The following WWOX variants were observed in gnomAD, a reference collection of about 807,000 sequenced individuals.
WWOX encodes WW domain containing oxidoreductase.
A neutral mutation model predicts 46.2 loss-of-function variants in WWOX; 69 were observed. That is an observed-to-expected ratio of 1.49 (90% confidence interval 1.23 to 1.82). WWOX has a LOEUF of 1.82. Among genes scored for constraint, WWOX ranks in the 40% most tolerant of loss-of-function variants. The pLI, the probability that WWOX is intolerant of heterozygous loss-of-function variation, is 0.00. For synonymous variants in WWOX, 359 were observed against 202.6 expected (o/e 1.77, Z -6.56); for missense variants, 919 against 542.6 (o/e 1.69, Z -6.89).
chr16:78,913,951 G>C (rs2045179095), intron 8 of WWOX, among the ~76,000 whole-genome samples: 1 of 151,990 alleles, frequency 6.6e-6, no homozygotes, highest in African/African-American at 2.4e-5. Flanking sequence ...ATGATCCACT[G>C]CACGTGGCCC....
At chr16:78,232,318 C>T (rs2037296348) in intron 5 of WWOX, among the ~76,000 whole-genome samples, 1 of 152,176 alleles carries the variant, frequency 6.6e-6, no homozygotes, top group African/African-American at 2.4e-5. Flanking sequence ...AAGAGAGTTT[C>T]TACGTGATCT....
Position 78,854,262 on chromosome 16 carries a change from A to G in WWOX, c.1057-357346A>G, listed in dbSNP as rs1234756821. ...AATAAAACTTCATTTTATTTTAGAT[A>G]AAATGAAAAGATGTTACTATGCAGG... On this transcript the variant is annotated intron_variant, in intron 8 of 8. Coordinates refer to ENST00000566780, the MANE Select transcript of WWOX (RefSeq NM_016373.4). Among the ~76,000 whole-genome samples, 7 of 152,236 alleles carry G rather than the reference A, an allele frequency of 4.6e-5. No individual in the cohort carries two copies. The South Asian group carries it at 1.2e-3, about 27-fold the overall frequency.
In WWOX at chr16:78,759,519, GTGAGCC is replaced by G. The variant is rs559784655; in HGVS notation, c.1056+326770_1056+326775del. 1.3e-3 allele frequency among the ~76,000 whole-genome samples: 200 copies of G among 152,238 alleles called. 2 individuals carry two copies. In the South Asian group the frequency reaches 0.017, roughly 13 times the overall value. ...ATACAGTGTCATCAAGGAGCAGTGG[GTGAGCC>G]TGCCCATATCTCGGGCACAAACCTA... On this transcript the variant is annotated intron_variant, in intron 8 of 8. Transcript: ENST00000566780.
intron 8 of WWOX, among the ~76,000 whole-genome samples, chr16:78,812,789 C>T (rs549782433): frequency 1.4e-4 from 21 of 152,240 alleles, no homozygotes; most frequent in African/African-American, 4.6e-4. Flanking sequence ...CACTAATTTA[C>T]AAGCCCCATA....
intron 8 of WWOX, among the ~76,000 whole-genome samples, chr16:78,933,141 T>C (rs755279651): frequency 2.0e-5 from 3 of 152,166 alleles, no homozygotes; most frequent in Non-Finnish European, 2.9e-5. Context: ...AACACTTTTT[T>C]AAAAGGCAAG....
In WWOX at chr16:78,469,136, C is replaced by G. The variant is rs535568962; in HGVS notation, c.1056+36384C>G. 2.6e-5 allele frequency among the ~76,000 whole-genome samples: 4 copies of G among 152,226 alleles called. No homozygotes were observed. The South Asian group carries it at 8.3e-4, about 32-fold the overall frequency. On this transcript the variant is annotated intron_variant, in intron 8 of 8. Transcript: ENST00000566780. ...AGATTTCAGAGGCAAATGGTGATACCTCAGGTTTGAAGTTGCAAGAAGTCA... is the reference window on the plus strand; with the variant it reads ...AGATTTCAGAGGCAAATGGTGATACGTCAGGTTTGAAGTTGCAAGAAGTCA...
At chr16:78,914,707 G>A (rs917006265) in intron 8 of WWOX, among the ~76,000 whole-genome samples, 7 of 151,212 alleles carry the variant, frequency 4.6e-5, no homozygotes, top group Non-Finnish European at 7.4e-5. Flanking sequence ...GTGAAACCCC[G>A]TCTCTACTAA....
chr16:78,881,067 C>G (rs752658538), intron 8 of WWOX, among the ~76,000 whole-genome samples: 14 of 148,512 alleles, frequency 9.4e-5, no homozygotes, highest in Non-Finnish European at 1.8e-4. Context: ...TCACGGCTCA[C>G]TGCAACCTTT....
intron 8 of WWOX, among the ~76,000 whole-genome samples, chr16:78,999,128 A>G (rs2047045489): frequency 6.6e-6 from 1 of 151,722 alleles, no homozygotes; most frequent in Middle Eastern, 3.2e-3. Context: ...ACCCAGCGCC[A>G]GTGGCTGATG....
At chr16:78,577,624 A>G (rs2044920354) in intron 8 of WWOX, among the ~76,000 whole-genome samples, 2 of 152,200 alleles carry the variant, frequency 1.3e-5, no homozygotes, top group Admixed American at 1.3e-4. Context: ...TTCCTAAATT[A>G]TTTAAATGGG....
At chr16:78,830,006 C>T (rs2051772168) in intron 8 of WWOX, among the ~76,000 whole-genome samples, 1 of 152,022 alleles carries the variant, frequency 6.6e-6, no homozygotes. Flanking sequence ...ACCTGTAAGC[C>T]CAGTGCTTTG....
chr16:78,872,899 G>A (rs967003624), intron 8 of WWOX: 2 of 152,338 alleles, frequency 1.3e-5, no homozygotes, highest in African/African-American at 4.8e-5. Context: ...CAGGGCTCAA[G>A]CAGTCCTCCC....
chr16:78,309,552 C>G (rs1042539307), intron 5 of WWOX, among the ~76,000 whole-genome samples: 2 of 152,112 alleles, frequency 1.3e-5, no homozygotes, highest in Non-Finnish European at 2.9e-5. Flanking sequence ...AGAAGTGTGC[C>G]TGTAACTTTT....
chr16:78,945,396 A>C (rs1211893211), intron 8 of WWOX, among the ~76,000 whole-genome samples: 1 of 152,186 alleles, frequency 6.6e-6, no homozygotes, highest in African/African-American at 2.4e-5. Context: ...ATCCACCCTT[A>C]GTTTTAATGC....
At chr16:79,100,389 C>A (rs2049167446) in intron 8 of WWOX, among the ~76,000 whole-genome samples, 2 of 152,210 alleles carry the variant, frequency 1.3e-5, no homozygotes, top group South Asian at 4.2e-4. Flanking sequence ...AAAAGAAGCC[C>A]TGGGTTTAAG....
intron 5 of WWOX, among the ~76,000 whole-genome samples, chr16:78,328,285 A>G (rs1435478849): frequency 6.6e-6 from 1 of 152,200 alleles, no homozygotes; most frequent in East Asian, 1.9e-4. Flanking sequence ...TCTTGTTTAT[A>G]ATCGTCATTT....
Position 79,211,751 on chromosome 16 carries a change from C to G in WWOX, c.1200C>G (p.Leu400=). ...AGACGGCCCGGACCCTGTGGGCGCT[C>G]AGCGAGAGGCTGATCCAAGAACGGC... The part of the protein sequence containing the change: ...SEETARTLWA[L]SERLIQERLG... Residue 400 remains leucine (L), a synonymous_variant, in exon 9 of 9, where the codon CTC becomes CTG. Coordinates refer to ENST00000566780, the MANE Select transcript of WWOX (RefSeq NM_016373.4). The G allele has an allele frequency of 6.2e-7, 1 of 1,614,200 alleles. No homozygotes were observed. Among genetic ancestry groups the G allele is most frequent in the Non-Finnish European group, 8.5e-7 (1 of 1,180,030 alleles).
chr16:78,955,776 T>C (rs2046153637), intron 8 of WWOX, among the ~76,000 whole-genome samples: 3 of 151,694 alleles, frequency 2.0e-5, no homozygotes, highest in Non-Finnish European at 4.4e-5. Flanking sequence ...GCCTCCCGAG[T>C]AGCTGGGACT....
intron 8 of WWOX, among the ~76,000 whole-genome samples, chr16:78,509,540 G>A (rs771765447): frequency 3.3e-5 from 5 of 151,932 alleles, no homozygotes; most frequent in Admixed American, 6.5e-5. Context: ...GGTTATCTAC[G>A]TCTGTTGTGT....
Sources: allele counts gnomAD v4.1 joint callset (sites outside exome capture counted in the v4.1 genomes callset), GRCh38; gene constraint gnomAD v4.1.1; transcripts MANE v1.5; gene names NCBI Gene and HGNC (gene_info 2026-07-23, HGNC 2026-07-21).